The following ZFAND6 variants were observed in gnomAD, a reference collection of about 807,000 sequenced individuals.
ZFAND6 encodes the protein AN1-type zinc finger protein 6.
ZFAND6 carries 12 observed loss-of-function variants against 24.5 expected under a neutral mutation model. That is an observed-to-expected ratio of 0.49 (90% confidence interval 0.31 to 0.79). The LOEUF (loss-of-function observed/expected upper bound fraction) is 0.79, where lower values mean the gene tolerates loss of function less well. Among genes scored for constraint, ZFAND6 ranks in the 30% least tolerant of loss-of-function variants. The probability of loss-of-function intolerance (pLI) is 0.04; values close to 1 mark genes in which losing one functional copy is unlikely to be tolerated. For synonymous variants in ZFAND6, 92 were observed against 81.5 expected, an observed-to-expected ratio of 1.13 and a Z score of -0.69; for missense variants, 207 against 245.9, an observed-to-expected ratio of 0.84 and a Z score of 1.06.
intron 1 of ZFAND6, among the ~76,000 whole-genome samples, chr15:80,076,118 T>C (rs1374175278): frequency 6.6e-6 from 1 of 152,196 alleles, no homozygotes; most frequent in South Asian, 2.1e-4. Flanking sequence ...TTCTTAACTC[T>C]TCTCTAGACT....
intron 1 of ZFAND6, among the ~76,000 whole-genome samples, chr15:80,069,485 A>G (rs377720470): frequency 2.6e-5 from 4 of 152,106 alleles, no homozygotes; most frequent in East Asian, 1.9e-4. Flanking sequence ...GTTTGACCTC[A>G]TATGCCATTC....
At position 80,075,058 on chromosome 15, in the gene ZFAND6, G is replaced by GTATC. The variant is rs570497829; in HGVS notation, c.-181+15251_-181+15254dup. 2.0e-4 allele frequency: 31 copies of GTATC among 156,466 alleles called. No homozygotes were observed. In the South Asian group the frequency reaches 2.5e-3, roughly 13 times the overall value. The allele number at this position is 156,466 out of a possible 1,614,324, so 9.7% of individuals were successfully genotyped here. ...TTTATTTCAATTAACTGATAATTTA[G>GTATC]TATCTCTGACTTTCAGAGCTGATGC... is the stretch of plus-strand genomic sequence containing the variant. On this transcript the variant is annotated intron_variant, in intron 1 of 6. Transcript: ENST00000261749.
At chr15:80,064,144 A>C (rs951237972) in intron 1 of ZFAND6, among the ~76,000 whole-genome samples, 2 of 152,258 alleles carry the variant, frequency 1.3e-5, no homozygotes, top group African/African-American at 2.4e-5. Context: ...TGTGATAAAT[A>C]TAAGAGCTAC....
At chr15:80,077,388 A>G (rs977691118) in intron 1 of ZFAND6, among the ~76,000 whole-genome samples, 9 of 152,208 alleles carry the variant, frequency 5.9e-5, no homozygotes, top group African/African-American at 2.2e-4. Context: ...TTGATTTGGA[A>G]TCATTTTCAT....
intron 2 of ZFAND6, among the ~76,000 whole-genome samples, chr15:80,118,074 A>C (rs555354003): frequency 3.3e-5 from 5 of 151,960 alleles, no homozygotes; most frequent in Non-Finnish European, 5.9e-5. Context: ...ATATGTATAC[A>C]TACTATATAT....
intron 5 of ZFAND6, chr15:80,123,020 A>G: frequency 4.5e-6 from 2 of 443,064 alleles, no homozygotes; most frequent in South Asian, 6.7e-5. Context: ...CAAATTCAAA[A>G]TTTGTTTAGT....
intron 1 of ZFAND6, among the ~76,000 whole-genome samples, chr15:80,070,667 A>G (rs1373105040): frequency 6.6e-6 from 1 of 152,218 alleles, no homozygotes; most frequent in East Asian, 1.9e-4. Flanking sequence ...GTGTTATATT[A>G]GTGTATGATT....
At chr15:80,107,483 A>T (rs147019690) in intron 2 of ZFAND6, among the ~76,000 whole-genome samples, 1 of 152,202 alleles carries the variant, frequency 6.6e-6, no homozygotes, top group Admixed American at 6.5e-5. Context: ...TACACTGCCA[A>T]TGCAAATGTC....
chr15:80,079,463 G>A (rs909679336), intron 1 of ZFAND6, among the ~76,000 whole-genome samples: 6 of 151,176 alleles, frequency 4.0e-5, no homozygotes, highest in African/African-American at 1.2e-4. Context: ...CTCATGATCC[G>A]CCCACCTCGG....
chr15:80,089,536 G>C (rs1349029875), intron 1 of ZFAND6, among the ~76,000 whole-genome samples: 1 of 152,002 alleles, frequency 6.6e-6, no homozygotes, highest in African/African-American at 2.4e-5. Flanking sequence ...GATTACAGGT[G>C]TGAGCCACCA....
chr15:80,096,109 C>T (rs1020801559), intron 1 of ZFAND6, among the ~76,000 whole-genome samples: 1 of 152,194 alleles, frequency 6.6e-6, no homozygotes, highest in African/African-American at 2.4e-5. Context: ...GCTCTGTGAT[C>T]TTGAACCAGT....
At chr15:80,095,635 C>G (rs1291734306) in intron 1 of ZFAND6, among the ~76,000 whole-genome samples, 1 of 152,122 alleles carries the variant, frequency 6.6e-6, no homozygotes. Flanking sequence ...ATTGTAGGAG[C>G]TCAGTACCAT....
rs1035208593 is a variant in ZFAND6, at chr15:80,099,360, A to T, written c.-18+782A>T. Among the ~76,000 whole-genome samples, 6 of 152,110 alleles carry T rather than the reference A, an allele frequency of 3.9e-5. No individual in the cohort carries two copies. The South Asian group carries it at 1.2e-3, about 31-fold the overall frequency. ...TTAGAAGAATGCATTGTTTGTACAG[A>T]TGGAGTGATTAAAATGTACAGCATT... On this transcript the variant is annotated intron_variant, in intron 2 of 6. Transcript: ENST00000261749.
intron 2 of ZFAND6, among the ~76,000 whole-genome samples, chr15:80,101,267 C>T (rs1287198471): frequency 6.6e-6 from 1 of 152,096 alleles, no homozygotes; most frequent in Non-Finnish European, 1.5e-5. Context: ...TCAAGACCAG[C>T]CTGGCCAACA....
At chr15:80,132,638 G>A (rs1218742816) in intron 6 of ZFAND6, among the ~76,000 whole-genome samples, 5 of 152,126 alleles carry the variant, frequency 3.3e-5, no homozygotes, top group Non-Finnish European at 5.9e-5. Context: ...GTTTGTCTCT[G>A]TAGTAAATTG....
At chr15:80,064,097 CT>C (rs1567045698) in intron 1 of ZFAND6, among the ~76,000 whole-genome samples, 1 of 152,120 alleles carries the variant, frequency 6.6e-6, no homozygotes, top group Non-Finnish European at 1.5e-5. Flanking sequence ...TTGGGTGTAA[CT>C]TAAGTTTATT....
chr15:80,103,542 T>C (rs903451606), intron 2 of ZFAND6, among the ~76,000 whole-genome samples: 1 of 152,238 alleles, frequency 6.6e-6, no homozygotes, highest in Non-Finnish European at 1.5e-5. Context: ...CGACCTCAGA[T>C]TGGCTTACTG....
intron 2 of ZFAND6, among the ~76,000 whole-genome samples, chr15:80,098,946 TA>T (rs1299788239): frequency 1.3e-5 from 2 of 151,876 alleles, no homozygotes; most frequent in East Asian, 3.8e-4. Flanking sequence ...CAAACAACCA[TA>T]AAAAAATTAC....
At chr15:80,114,829 T>A (rs984499626) in intron 2 of ZFAND6, among the ~76,000 whole-genome samples, 7 of 152,180 alleles carry the variant, frequency 4.6e-5, no homozygotes, top group Non-Finnish European at 7.4e-5. Context: ...AAAAACAAAT[T>A]TTTTCAAGAG....
Sources: gnomAD v4.1 joint callset for allele counts (sites outside exome capture counted in the v4.1 genomes callset) on GRCh38, gnomAD v4.1.1 for gene constraint, MANE v1.5 for transcripts, NCBI Gene and HGNC (gene_info 2026-07-23, HGNC 2026-07-21) for gene names.